The following ZNF398 variants were observed in gnomAD, a reference collection of about 807,000 sequenced individuals.
The protein encoded by ZNF398 is zinc finger protein 398.
ZNF398 carries 18 observed loss-of-function variants against 41.9 expected under a neutral mutation model. The ratio of observed to expected loss-of-function variants is 0.43; its 90% CI spans 0.30 to 0.64. ZNF398 has a LOEUF of 0.64. ZNF398 is among the 30% of genes least tolerant of loss of function. The probability of loss-of-function intolerance (pLI) is 0.14; values close to 1 mark genes in which losing one functional copy is unlikely to be tolerated. For synonymous variants in ZNF398, 260 were observed against 308.8 expected (o/e 0.84, Z 1.66); for missense variants, 669 against 822.8 (o/e 0.81, Z 2.29).
intron 1 of ZNF398, chr7:149,151,170 A>G: frequency 9.2e-7 from 1 of 1,082,442 alleles, no homozygotes; most frequent in African/African-American, 1.6e-5. Flanking sequence ...AACCATTGGT[A>G]TGTGGTGACA....
exon 1 of ZNF398, chr7:149,126,449 G>A: frequency 3.0e-6 from 2 of 669,528 alleles, no homozygotes; most frequent in Non-Finnish European, 2.4e-6. Flanking sequence ...GGCACCCTCC[G>A]TGCGGGCCGC....
rs375070949 is a variant in ZNF398 at position 149,179,021 on chromosome 7, G to A, written c.1149G>A (p.Ala383=). The A allele has an allele frequency of 3.8e-5, 61 of 1,613,150 alleles. No homozygotes were observed. Among genetic ancestry groups the A allele is most frequent in the Non-Finnish European group, 4.4e-5 (52 of 1,179,850 alleles). ...AQCPKHFTPQ[A]DLSSTSQDHA... ...GCCCTAAGCACTTTACTCCACAGGC[G>A]GACCTCAGCAGCACCTCCCAGGACC... is the stretch of plus-strand genomic sequence containing the variant. The change falls in exon 6 of 6, where the codon GCG becomes GCA. Residue 383 remains alanine, a synonymous_variant. Coordinates refer to ENST00000475153, the MANE Select transcript of ZNF398 (RefSeq NM_170686.3). The surrounding 1 kb of genome is among the most constrained non-coding windows in gnomAD (Gnocchi z 6.1).
At chr7:149,137,787 C>A (rs1001537786) in intron 2 of ZNF398, among the ~76,000 whole-genome samples, 1 of 152,112 alleles carries the variant, frequency 6.6e-6, no homozygotes, top group Non-Finnish European at 1.5e-5. Flanking sequence ...CATTTTTCTG[C>A]ATTTATGGGC....
intron 2 of ZNF398, among the ~76,000 whole-genome samples, chr7:149,139,448 C>G (rs567238047): frequency 1.1e-4 from 17 of 152,116 alleles, no homozygotes; most frequent in Admixed American, 1.1e-3. Flanking sequence ...ATGTGCCGGG[C>G]GCGGTGGCTC....
At chr7:149,165,203 G>A (rs1047786030) in intron 2 of ZNF398, among the ~76,000 whole-genome samples, 9 of 152,140 alleles carry the variant, frequency 5.9e-5, no homozygotes, top group Non-Finnish European at 1.0e-4. Flanking sequence ...CTCACTTGCA[G>A]AGTTCGAACC....
chr7:149,163,751 C>A (rs1015933191), intron 2 of ZNF398, among the ~76,000 whole-genome samples: 4 of 152,184 alleles, frequency 2.6e-5, no homozygotes, highest in Non-Finnish European at 5.9e-5. Flanking sequence ...CTAGGAGCCA[C>A]TGCGCCTGGC....
chr7:149,150,426 C>G (rs1023104300), intron 1 of ZNF398, among the ~76,000 whole-genome samples: 2 of 152,102 alleles, frequency 1.3e-5, no homozygotes, highest in Non-Finnish European at 2.9e-5. Flanking sequence ...TGGTGAAACC[C>G]TGTCTCTACC....
Position 149,179,822 on chromosome 7 carries a change from A to G in ZNF398, c.*21A>G. The G allele has an allele frequency of 6.5e-7, 1 of 1,539,998 alleles. No individual in the cohort carries two copies. Among genetic ancestry groups the G allele is most frequent in the Non-Finnish European group, 8.8e-7 (1 of 1,140,968 alleles). ...TGTAAATCCAAATCTCTGTGGCTTC[A>G]TGCTTGTATATGCTCACAGCAGGGC... On this transcript the variant is annotated 3_prime_UTR_variant, in exon 6 of 6. Coordinates refer to ENST00000475153, the MANE Select transcript of ZNF398 (RefSeq NM_170686.3). This position sits in a 1 kb window ranked among gnomAD's most constrained non-coding sequence, Gnocchi z 6.1.
chr7:149,160,319 T>A (rs1795082498), intron 2 of ZNF398, among the ~76,000 whole-genome samples: 1 of 152,080 alleles, frequency 6.6e-6, no homozygotes, highest in Admixed American at 6.6e-5. Flanking sequence ...TAGTCCCAGC[T>A]ACTTGGGAGG....
At chr7:149,177,760 G>A (rs1371348878) in intron 5 of ZNF398, among the ~76,000 whole-genome samples, 2 of 152,226 alleles carry the variant, frequency 1.3e-5, no homozygotes, top group African/African-American at 4.8e-5. Flanking sequence ...AAGTTCTTGA[G>A]TAGAGGTAAA....
intron 5 of ZNF398, among the ~76,000 whole-genome samples, chr7:149,177,470 G>A (rs1220709235): frequency 1.3e-5 from 2 of 152,094 alleles, no homozygotes; most frequent in East Asian, 3.8e-4. Context: ...TTTAGTTTAG[G>A]TATTTAGATA....
chr7:149,153,731 C>T (rs1794908729), intron 1 of ZNF398, among the ~76,000 whole-genome samples: 1 of 152,194 alleles, frequency 6.6e-6, no homozygotes, highest in African/African-American at 2.4e-5. Context: ...CATTAATTCA[C>T]TGTCTTACCC....
chr7:149,149,128 A>G (rs1827045155), intron 1 of ZNF398, among the ~76,000 whole-genome samples: 1 of 151,952 alleles, frequency 6.6e-6, no homozygotes, highest in Non-Finnish European at 1.5e-5. Context: ...CGTCTCTAAA[A>G]TAAAAAAAAT....
intron 2 of ZNF398, among the ~76,000 whole-genome samples, chr7:149,133,283 T>G (rs192942898): frequency 6.6e-5 from 10 of 151,848 alleles, no homozygotes; most frequent in Non-Finnish European, 1.5e-4. Context: ...CCAGATAACT[T>G]TTGTATTTTT....
At chr7:149,138,534 C>T (rs558634659) in intron 2 of ZNF398, among the ~76,000 whole-genome samples, 27 of 152,262 alleles carry the variant, frequency 1.8e-4, no homozygotes, top group Admixed American at 5.2e-4. Flanking sequence ...GAGCCGAGAT[C>T]GTGCCACTGC....
intron 2 of ZNF398, among the ~76,000 whole-genome samples, chr7:149,160,934 G>C (rs761238564): frequency 2.6e-5 from 4 of 152,076 alleles, no homozygotes; most frequent in Middle Eastern, 3.2e-3. Flanking sequence ...GGGCTAGAGT[G>C]GGGGCGGGCT....
chr7:149,157,361 C>CG (rs1185898173), intron 2 of ZNF398, among the ~76,000 whole-genome samples: 1 of 150,788 alleles, frequency 6.6e-6, no homozygotes, highest in African/African-American at 2.4e-5. Flanking sequence ...GGCGAAACCC[C>CG]GTCTCTACTA....
chr7:149,148,362 G>A, intron 1 of ZNF398: 1 of 895,374 alleles, frequency 1.1e-6, no homozygotes, highest in African/African-American at 1.8e-5. Context: ...GCGGGGGCCG[G>A]CAGCGGCCAG....
intron 2 of ZNF398, 79 bp downstream of exon 2, chr7:149,154,419 G>T: frequency 7.0e-7 from 1 of 1,427,342 alleles, no homozygotes; most frequent in South Asian, 1.5e-5. Context: ...CAGTTACTTA[G>T]ATTTTTTATT....
Sources: gnomAD v4.1 joint callset for allele counts (sites outside exome capture counted in the v4.1 genomes callset) on GRCh38, gnomAD v4.1.1 for gene constraint, Gnocchi (gnomAD v3.1) non-coding constraint, MANE v1.5 for transcripts, NCBI Gene and HGNC (gene_info 2026-07-23, HGNC 2026-07-21) for gene names.